The following SCHIP1 variants were observed in gnomAD, a reference collection of about 807,000 sequenced individuals.
SCHIP1 encodes the protein schwannomin-interacting protein 1.
SCHIP1 carries 8 observed loss-of-function variants against 29.7 expected under a neutral mutation model. The observed-to-expected ratio is 0.27, with a 90% CI of 0.16 to 0.49. The LOEUF (loss-of-function observed/expected upper bound fraction) is 0.49, where lower values mean the gene tolerates loss of function less well. Ranked by LOEUF, SCHIP1 falls within the 20% of genes least tolerant of loss-of-function variation. SCHIP1 has a pLI of 0.99. For synonymous variants in SCHIP1, 76 were observed against 94.9 expected (o/e 0.80, Z 1.16); for missense variants, 193 against 294.6 (o/e 0.66, Z 2.52).
the SCHIP1 span, among the ~76,000 whole-genome samples, chr3:159,678,938 C>A: frequency 1.3e-5 from 2 of 152,200 alleles, no homozygotes; most frequent in Non-Finnish European, 2.9e-5. Context: ...ATTCAATTAT[C>A]TCTACCTGGT....
chr3:159,778,171 T>A, the SCHIP1 span, among the ~76,000 whole-genome samples: 125 of 151,990 alleles, frequency 8.2e-4, no homozygotes, highest in African/African-American at 2.3e-3. Flanking sequence ...TTTTTTGTAT[T>A]TTTAGTAGAG....
At chr3:159,393,141 C>G in the SCHIP1 span, among the ~76,000 whole-genome samples, 1 of 152,134 alleles carries the variant, frequency 6.6e-6, no homozygotes, top group Non-Finnish European at 1.5e-5. Flanking sequence ...ATGTCCTTTG[C>G]CCACTTTTTG....
the SCHIP1 span, among the ~76,000 whole-genome samples, chr3:159,422,958 C>T: frequency 2.0e-5 from 2 of 100,760 alleles, no homozygotes; most frequent in Admixed American, 1.1e-4. Flanking sequence ...CTATTAGTTA[C>T]ATAAGAGTAG....
chr3:159,610,208 C>T, the SCHIP1 span, among the ~76,000 whole-genome samples: 1 of 152,090 alleles, frequency 6.6e-6, no homozygotes, highest in African/African-American at 2.4e-5. Flanking sequence ...TCCTCTGCAC[C>T]CAACTTCCCC....
the SCHIP1 span, among the ~76,000 whole-genome samples, chr3:159,647,488 T>C: frequency 7.2e-5 from 11 of 152,238 alleles, 1 homozygote; most frequent in South Asian, 2.3e-3. Context: ...AGGAACATAA[T>C]GGGCTTGTGA....
chr3:159,673,427 A>T, the SCHIP1 span, among the ~76,000 whole-genome samples: 1 of 152,242 alleles, frequency 6.6e-6, no homozygotes, highest in African/African-American at 2.4e-5. Flanking sequence ...CAGTATGCAG[A>T]TACCATTGCT....
the SCHIP1 span, among the ~76,000 whole-genome samples, chr3:159,329,521 G>T: frequency 6.6e-6 from 1 of 152,134 alleles, no homozygotes; most frequent in Non-Finnish European, 1.5e-5. Flanking sequence ...TGGCTGGGAG[G>T]CAACATAATG....
the SCHIP1 span, among the ~76,000 whole-genome samples, chr3:159,508,176 CT>C: frequency 6.6e-6 from 1 of 152,148 alleles, no homozygotes; most frequent in Admixed American, 6.5e-5. Flanking sequence ...GATTCAACTT[CT>C]TCTTGGTTTA....
At chr3:159,591,483 G>A in the SCHIP1 span, among the ~76,000 whole-genome samples, 1 of 152,120 alleles carries the variant, frequency 6.6e-6, no homozygotes, top group South Asian at 2.1e-4. Context: ...GCTTATTGCA[G>A]CACTATTTAC....
chr3:159,889,725 G>T (rs33056), intron 5 of SCHIP1, among the ~76,000 whole-genome samples: 113,749 of 152,172 alleles, frequency 0.75, 43,805 homozygotes, highest in East Asian at 0.99. Flanking sequence ...ACAGGGAAAT[G>T]TGAATACTAA....
chr3:159,305,849 G>T, the SCHIP1 span, among the ~76,000 whole-genome samples: 1 of 152,092 alleles, frequency 6.6e-6, no homozygotes, highest in Non-Finnish European at 1.5e-5. Context: ...AAACTGACTT[G>T]GTCTAATGGC....
At chr3:159,484,453 A>G in the SCHIP1 span, among the ~76,000 whole-genome samples, 1 of 152,190 alleles carries the variant, frequency 6.6e-6, no homozygotes, top group Non-Finnish European at 1.5e-5. Context: ...AGAGTCCACA[A>G]AAATCTCCAT....
chr3:159,849,187 A>G (rs1215344544), intron 1 of SCHIP1, among the ~76,000 whole-genome samples: 2 of 152,110 alleles, frequency 1.3e-5, no homozygotes, highest in African/African-American at 4.8e-5. Context: ...AAAAGATAAT[A>G]TATTATCAAT....
chr3:159,327,753 G>A, the SCHIP1 span, among the ~76,000 whole-genome samples: 1 of 152,132 alleles, frequency 6.6e-6, no homozygotes, highest in Non-Finnish European at 1.5e-5. Context: ...AGACTCTGGT[G>A]GAAATGCAGT....
chr3:159,751,767 C>T, the SCHIP1 span, among the ~76,000 whole-genome samples: 1 of 151,982 alleles, frequency 6.6e-6, no homozygotes, highest in Admixed American at 6.6e-5. Flanking sequence ...AGGATGGTCT[C>T]GATCTCCTAA....
chr3:159,543,661 A>G, the SCHIP1 span, among the ~76,000 whole-genome samples: 151 of 152,064 alleles, frequency 9.9e-4, no homozygotes, highest in Middle Eastern at 0.01. Context: ...TATTGTGAAT[A>G]GTGCCGCAAT....
chr3:159,713,065 G>C, the SCHIP1 span, among the ~76,000 whole-genome samples: 1 of 151,420 alleles, frequency 6.6e-6, no homozygotes, highest in East Asian at 1.9e-4. Context: ...TGAGGCAGGA[G>C]AATTGCTTGA....
chr3:159,273,605 T>C, the SCHIP1 span: 4 of 1,297,774 alleles, frequency 3.1e-6, no homozygotes, highest in African/African-American at 6.1e-5. Flanking sequence ...TTTTTGCCAA[T>C]ACTTGAAGAT....
chr3:159,371,972 T>G, the SCHIP1 span, among the ~76,000 whole-genome samples: 1 of 152,180 alleles, frequency 6.6e-6, no homozygotes, highest in Non-Finnish European at 1.5e-5. Flanking sequence ...AATTTTTTTC[T>G]TTTCCCAATG....
Sources: gnomAD v4.1 joint callset for allele counts (sites outside exome capture counted in the v4.1 genomes callset) on GRCh38, gnomAD v4.1.1 for gene constraint, MANE v1.5 for transcripts, NCBI Gene and HGNC (gene_info 2026-07-23, HGNC 2026-07-21) for gene names.